Variants in LY6L observed in about 807,000 individuals in gnomAD.
The protein encoded by LY6L is lymphocyte antigen 6 family member L, also known as lymphocyte antigen 6L.
Under a neutral mutation model 8.3 loss-of-function variants are expected in LY6L, and 8 were observed. The ratio of observed to expected loss-of-function variants is 0.97; its 90% CI spans 0.57 to 1.74. LY6L has a LOEUF of 1.74. Ranked by LOEUF, LY6L falls within the 40% of genes most tolerant of loss-of-function variation. LY6L has a pLI of 0.00. For synonymous variants in LY6L, 79 were observed against 77.9 expected (o/e 1.01, Z -0.07); for missense variants, 156 against 183.8 (o/e 0.85, Z 0.87).
At chr8:143,082,292 AG>A in intron 3 of LY6L, 132 bp from the exon 4 acceptor site, 1 of 630,850 alleles carries the variant, frequency 1.6e-6, no homozygotes, top group Non-Finnish European at 2.7e-6. Context: ...CTGTCCTCGC[AG>A]GGCCAGGTTA....
At position 143,081,016 on chromosome 8, in the gene LY6L, A is replaced by C. The variant is rs1027831688; in HGVS notation, c.-18-20A>C. ...CTCTCTGGGTGAAGCCTCCCGCAAC[A>C]CCCACCTCACCCCACTCAGGCTGAG... On this transcript the variant is annotated intron_variant, in intron 1 of 3. Transcript: ENST00000562505. 8 of 1,506,530 alleles carry C rather than the reference A, an allele frequency of 5.3e-6. No homozygotes were observed. In the African/African-American group the frequency reaches 1.1e-4, roughly 21 times the overall value. The allele number at this position is 1,506,530 out of a possible 1,614,324, so 93.3% of individuals were successfully genotyped here. A position where few individuals can be genotyped will look rare whatever the true frequency, so the allele number is the denominator to read the frequency against.
Position 143,081,595 on chromosome 8 carries a change from G to A in LY6L, c.190+268G>A, listed in dbSNP as rs116957226. On this transcript the variant is annotated intron_variant, in intron 3 of 3. Coordinates refer to ENST00000562505, the MANE Select transcript of LY6L (RefSeq NM_001368160.2). ...GTCACTGAATTTACAAAGACAGCAG[G>A]AACACACGGGTGGGGATGGGCAGCT... is the stretch of plus-strand genomic sequence containing the variant. 7.4e-3 allele frequency among the ~76,000 whole-genome samples: 1,130 copies of A among 152,312 alleles called. 14 individuals are homozygous for A. Among genetic ancestry groups the A allele is most frequent in the Middle Eastern group, 0.058 (17 of 294 alleles).
At chr8:143,081,603 G>A (rs148672868) in intron 3 of LY6L, among the ~76,000 whole-genome samples, 1 of 152,220 alleles carries the variant, frequency 6.6e-6, no homozygotes, top group Non-Finnish European at 1.5e-5. Flanking sequence ...AGGAACACAC[G>A]GGTGGGGATG....
intron 1 of LY6L, 73 bp from the exon 2 acceptor site, chr8:143,080,963 G>A (rs765174898): frequency 4.6e-5 from 54 of 1,164,344 alleles, no homozygotes; most frequent in Non-Finnish European, 6.0e-5. Flanking sequence ...GTAAAGCCCC[G>A]TCCGGGAGCA....
Position 143,083,249 on chromosome 8 carries a change from T to C in LY6L, c.*598T>C, listed in dbSNP as rs1185913466. ...CTGGTGTTGGTGGTGGGAAAGACAG[T>C]GTCTCTGGTGGGCGATGGCCCCTTG... On this transcript the variant is annotated 3_prime_UTR_variant, in exon 4 of 4. Transcript: ENST00000562505. Among the ~76,000 whole-genome samples the C allele has an allele frequency of 1.3e-5, 2 of 152,158 alleles. No individual in the cohort carries two copies. The highest frequency in any genetic ancestry group is 4.8e-5 in the African/African-American group (2 of 41,420).
At chr8:143,080,929 T>G (rs1820416404) in intron 1 of LY6L, 107 bp from the exon 2 acceptor site, 2 of 767,518 alleles carry the variant, frequency 2.6e-6, no homozygotes, top group African/African-American at 3.6e-5. Context: ...AGGAGGCTAG[T>G]GTGGGATGGG....
At position 143,083,254 on chromosome 8, in the gene LY6L, C is replaced by T. The variant is rs553105898; in HGVS notation, c.*603C>T. Among the ~76,000 whole-genome samples, 7 of 152,190 alleles carry T rather than the reference C, an allele frequency of 4.6e-5. No individual in the cohort carries two copies. The highest frequency in any genetic ancestry group is 8.8e-5 in the Non-Finnish European group (6 of 68,020). ...GTTGGTGGTGGGAAAGACAGTGTCT[C>T]TGGTGGGCGATGGCCCCTTGCATGA... On this transcript the variant is annotated 3_prime_UTR_variant, in exon 4 of 4. Coordinates refer to ENST00000562505, the MANE Select transcript of LY6L (RefSeq NM_001368160.2).
At position 143,082,890 on chromosome 8, in the gene LY6L, C is replaced by G. The variant is rs887969272; in HGVS notation, c.*239C>G. On this transcript the variant is annotated 3_prime_UTR_variant, in exon 4 of 4. Transcript: ENST00000562505. ...CTGCTCCTCCTGGGGAAGGACAGTG[C>G]CTCTGATGTGGGTGATGGGAAGGAC... is the stretch of plus-strand genomic sequence containing the variant. The G allele has an allele frequency of 2.2e-5, 11 of 497,446 alleles. No individual in the cohort carries two copies. The highest frequency in any genetic ancestry group is 3.9e-5 in the Non-Finnish European group (11 of 281,020). 30.8% of individuals were successfully genotyped at this position (497,446 alleles called of 1,614,324 possible).
intron 3 of LY6L, 66 bp from the exon 4 acceptor site, chr8:143,082,359 T>G: frequency 8.3e-7 from 1 of 1,199,490 alleles, no homozygotes; most frequent in South Asian, 1.4e-5. Context: ...CCTTGCACTT[T>G]CCGCATAACT....
rs1182022664 is a variant in LY6L, at chr8:143,082,528, C to T, written c.294C>T (p.Ile98=). 2 of 1,535,334 alleles carry T rather than the reference C, an allele frequency of 1.3e-6. No homozygotes were observed. The highest frequency in any genetic ancestry group is 1.7e-6 in the Non-Finnish European group (2 of 1,146,680). ...CGGCCCCCATGGTGCAAGGCGTGAT[C>T]ACCAGGCGCTGCTGTTCCTGGGCTC... The part of the protein sequence containing the change: ...WSPAPMVQGV[I]TRRCCSWALC... Residue 98 remains isoleucine (I), a synonymous_variant, in exon 4 of 4, where the codon ATC becomes ATT. Coordinates refer to ENST00000562505, the MANE Select transcript of LY6L (RefSeq NM_001368160.2).
In LY6L at chr8:143,082,799, G is replaced by A. The variant is rs1040021760; in HGVS notation, c.*148G>A. The A allele has an allele frequency of 7.1e-5, 47 of 665,256 alleles. No homozygotes were observed. Among genetic ancestry groups the A allele is most frequent in the Middle Eastern group, 8.5e-4 (2 of 2,348 alleles). 41.2% of individuals were successfully genotyped at this position (665,256 alleles called of 1,614,324 possible). A position where few individuals can be genotyped will look rare whatever the true frequency, so the allele number is the denominator to read the frequency against. On this transcript the variant is annotated 3_prime_UTR_variant, in exon 4 of 4. Transcript: ENST00000562505. Reference sequence around the variant, plus strand: ...GGGAGGGTGCCATTGCCTCCATCCCGGATCTAGCCACCTCACTCCTCCCCA... The same window carrying A: ...GGGAGGGTGCCATTGCCTCCATCCCAGATCTAGCCACCTCACTCCTCCCCA...
chr8:143,082,321 T>C (rs1820444023), intron 3 of LY6L, 104 bp from the exon 4 acceptor site: 2 of 802,958 alleles, frequency 2.5e-6, no homozygotes, highest in Non-Finnish European at 4.0e-6. Context: ...TAGCTCTTTC[T>C]GGTCCCGGCT....
At position 143,082,455 on chromosome 8, in the gene LY6L, G is replaced by A. The variant is rs371591060; in HGVS notation, c.221G>A (p.Arg74His). The change falls in exon 4 of 4, where the codon CGC (arginine) becomes CAC (histidine). Residue 74 changes from arginine (R) to histidine (H), a missense_variant. Transcript: ENST00000562505. Reference sequence around the variant, plus strand: ...AGTGTACGCGTCCTGCTCAGCAAACGCTGTGCTCCCAGATGTCCCAACGAC... The same window carrying A: ...AGTGTACGCGTCCTGCTCAGCAAACACTGTGCTCCCAGATGTCCCAACGAC... ...KWSVRVLLSK[R>H]CAPRCPNDNM... is the part of the protein sequence containing the mutation. 24 of 1,535,432 alleles carry A rather than the reference G, an allele frequency of 1.6e-5. No individual in the cohort carries two copies. The highest frequency in any genetic ancestry group is 1.7e-4 in the Middle Eastern group (1 of 5,980).
rs1820455257 is a variant in LY6L, at chr8:143,082,809, A to T, written c.*158A>T. The T allele has an allele frequency of 1.6e-6, 1 of 610,804 alleles. No homozygotes were observed. The highest frequency in any genetic ancestry group is 3.3e-5 in the Admixed American group (1 of 30,156). 37.8% of individuals were successfully genotyped at this position (610,804 alleles called of 1,614,324 possible). On this transcript the variant is annotated 3_prime_UTR_variant, in exon 4 of 4. Transcript: ENST00000562505. ...CATTGCCTCCATCCCGGATCTAGCC[A>T]CCTCACTCCTCCCCACCGGGGGCCC...
chr8:143,082,696 G>A lies in LY6L; in HGVS notation c.*45G>A, dbSNP rs944247947. On this transcript the variant is annotated 3_prime_UTR_variant, in exon 4 of 4. Transcript: ENST00000562505. ...CCTCCTGGCCCTGCTGGCCCATCCCGTCTCCTGCCTCCAACTGCCATCCTG... is the reference window on the plus strand; with the variant it reads ...CCTCCTGGCCCTGCTGGCCCATCCCATCTCCTGCCTCCAACTGCCATCCTG... 1.3e-4 allele frequency: 177 copies of A among 1,376,780 alleles called. 1 individual carries two copies. Among genetic ancestry groups the A allele is most frequent in the Admixed American group, 2.0e-4 (7 of 35,562 alleles). The allele number at this position is 1,376,780 out of a possible 1,614,324, so 85.3% of individuals were successfully genotyped here.
chr8:143,081,100 C>A lies in LY6L; in HGVS notation c.47C>A (p.Ala16Glu). The change falls in exon 2 of 4, where the codon GCG (alanine) becomes GAG (glutamate). Residue 16 changes from alanine (A) to glutamate (E), a missense_variant. Transcript: ENST00000562505. ...LTLCTLPLAV[A>E]SAGCATTPAR... Reference sequence around the variant, plus strand: ...CTGTGCACCCTCCCGCTGGCTGTGGCGTCTGCTGGCTGCGCCACGACGCCA... The same window carrying A: ...CTGTGCACCCTCCCGCTGGCTGTGGAGTCTGCTGGCTGCGCCACGACGCCA... The A allele has an allele frequency of 1.3e-6, 2 of 1,534,906 alleles. No homozygotes were observed. The highest frequency in any genetic ancestry group is 1.4e-5 in the African/African-American group (1 of 73,136).
At chr8:143,080,942 G>T (rs1475666679) in intron 1 of LY6L, 94 bp from the exon 2 acceptor site, 3 of 895,608 alleles carry the variant, frequency 3.3e-6, no homozygotes, top group Non-Finnish European at 5.0e-6. Context: ...GGGATGGGGG[G>T]TGCGCCCTGA....
Position 143,081,352 on chromosome 8 carries a change from AG to A in LY6L, c.190+27del, listed in dbSNP as rs1046560545. ...AGTGAGTCCCCCCCGGGCAGAGGGCAGGTGCCAGGTGCCGGGGAAGGGCCGG... is the reference window on the plus strand; with the variant it reads ...AGTGAGTCCCCCCCGGGCAGAGGGCAGTGCCAGGTGCCGGGGAAGGGCCGG... On this transcript the variant is annotated intron_variant, in intron 3 of 3. Coordinates refer to ENST00000562505, the MANE Select transcript of LY6L (RefSeq NM_001368160.2). 51 of 1,396,184 alleles carry A rather than the reference AG, an allele frequency of 3.7e-5. No homozygotes were observed. The African/African-American group carries it at 6.8e-4, about 19-fold the overall frequency. 86.5% of individuals were successfully genotyped at this position (1,396,184 alleles called of 1,614,324 possible).
chr8:143,081,004 G>T, intron 1 of LY6L, 32 bp from the exon 2 acceptor site: 1 of 1,472,472 alleles, frequency 6.8e-7, no homozygotes, highest in Non-Finnish European at 9.1e-7. Context: ...TCTGGGTGAA[G>T]CCTCCCGCAA....
Sources: allele counts gnomAD v4.1 joint callset (sites outside exome capture counted in the v4.1 genomes callset), GRCh38; gene constraint gnomAD v4.1.1; transcripts MANE v1.5; gene names NCBI Gene and HGNC (gene_info 2026-07-23, HGNC 2026-07-21).